The following FBXO15 variants were observed in gnomAD, a reference collection of about 807,000 sequenced individuals.
FBXO15 encodes F-box only protein 15.
A neutral mutation model predicts 49.5 loss-of-function variants in FBXO15; 30 were observed. The ratio of observed to expected loss-of-function variants is 0.61; its 90% CI spans 0.45 to 0.82. The LOEUF (loss-of-function observed/expected upper bound fraction) is 0.82. FBXO15 is among the 40% of genes least tolerant of loss of function. The pLI, the probability that FBXO15 is intolerant of heterozygous loss-of-function variation, is 0.00. For synonymous variants in FBXO15, 250 were observed against 232.7 expected, an observed-to-expected ratio of 1.07 and a Z score of -0.68; for missense variants, 591 against 631.5, an observed-to-expected ratio of 0.94 and a Z score of 0.69.
intron 8 of FBXO15, among the ~76,000 whole-genome samples, chr18:74,111,988 A>C (rs1302274567): frequency 1.3e-5 from 2 of 152,232 alleles, no homozygotes; most frequent in Non-Finnish European, 2.9e-5. Context: ...AATTCACATA[A>C]GAAGAAATAG....
Position 74,123,443 on chromosome 18 carries a change from G to T in FBXO15, c.1063C>A (p.Gln355Lys). ...CCGCTGTGCAGATCAACATGGAGTT[G>T]GTAGCCGTGCAGTCCATACTCGGGG... Reference protein sequence around the residue: ...DSPEYGLHGYQLHVDLHSGGV... With the variant: ...DSPEYGLHGYKLHVDLHSGGV... The change falls in exon 8 of 10, where the codon CAA becomes AAA. Residue 355 changes from glutamine to lysine, a missense_variant. Coordinates refer to ENST00000419743, the MANE Select transcript of FBXO15 (RefSeq NM_001142958.2). 1 of 1,614,054 alleles carries T rather than the reference G, an allele frequency of 6.2e-7. No homozygotes were observed. Among genetic ancestry groups the T allele is most frequent in the South Asian group, 1.1e-5 (1 of 91,070 alleles).
intron 8 of FBXO15, among the ~76,000 whole-genome samples, chr18:74,107,509 A>C (rs554440320): frequency 5.3e-5 from 8 of 152,336 alleles, no homozygotes; most frequent in Non-Finnish European, 8.8e-5. Context: ...AGGGCAAACC[A>C]CTGTCCCAAA....
chr18:74,110,976 CCTCT>C (rs985969437), intron 8 of FBXO15, among the ~76,000 whole-genome samples: 1 of 152,126 alleles, frequency 6.6e-6, no homozygotes, highest in Non-Finnish European at 1.5e-5. Context: ...GACATCAACA[CCTCT>C]CTATCAGAAA....
chr18:74,114,543 C>A (rs1488093239), intron 8 of FBXO15, among the ~76,000 whole-genome samples: 1 of 152,172 alleles, frequency 6.6e-6, no homozygotes, highest in African/African-American at 2.4e-5. Flanking sequence ...TACAGAAAAA[C>A]CCACAGGCAC....
At chr18:74,119,368 G>C (rs1263384508) in intron 8 of FBXO15, among the ~76,000 whole-genome samples, 1 of 152,190 alleles carries the variant, frequency 6.6e-6, no homozygotes, top group Non-Finnish European at 1.5e-5. Flanking sequence ...ATATTTATGT[G>C]CAAGCCTACT....
chr18:74,082,679 T>C (rs1912556031), intron 8 of FBXO15, among the ~76,000 whole-genome samples: 1 of 152,088 alleles, frequency 6.6e-6, no homozygotes, highest in Non-Finnish European at 1.5e-5. Context: ...GCCACAGGCC[T>C]CTTGTGGCAG....
At chr18:74,106,116 T>C (rs1913750388) in intron 8 of FBXO15, among the ~76,000 whole-genome samples, 3 of 152,124 alleles carry the variant, frequency 2.0e-5, no homozygotes, top group South Asian at 4.1e-4. Flanking sequence ...CAGACAAGAA[T>C]AATCCTAAGA....
chr18:74,081,785 A>G (rs1912506099), intron 9 of FBXO15, 142 bp downstream of exon 9: 3 of 622,730 alleles, frequency 4.8e-6, no homozygotes, highest in South Asian at 3.4e-5. Flanking sequence ...ATGTGCACCA[A>G]CCTTCAGAAA....
intron 9 of FBXO15, among the ~76,000 whole-genome samples, chr18:74,076,766 G>A (rs1054276296): frequency 1.3e-5 from 2 of 152,012 alleles, no homozygotes; most frequent in African/African-American, 2.4e-5. Context: ...AATTCCTTCC[G>A]GCTACCATTA....
At chr18:74,142,245 C>T (rs924342854) in intron 1 of FBXO15, among the ~76,000 whole-genome samples, 5 of 152,058 alleles carry the variant, frequency 3.3e-5, no homozygotes, top group African/African-American at 1.2e-4. Flanking sequence ...TTTTGCAATA[C>T]CCTCTCCTCC....
chr18:74,101,369 T>C (rs965091570), intron 8 of FBXO15, among the ~76,000 whole-genome samples: 3 of 151,938 alleles, frequency 2.0e-5, no homozygotes, highest in South Asian at 2.1e-4. Context: ...GCTTTATGAT[T>C]AGAGCTCTCA....
Position 74,073,616 on chromosome 18 carries a change from A to G in FBXO15, c.1378T>C (p.Leu460=). ...PATPSDSSSF[L]GQTYNVDYVD... is the part of the protein sequence containing the mutation. ...TAGTCCACGTTGTATGTCTGTCCCA[A>G]GAAGCTAGAGCTGTCAGAGGGTGTG... The change falls in exon 10 of 10, where the codon TTG becomes CTG. Residue 460 remains leucine (L), a synonymous_variant. Transcript: ENST00000419743. The G allele has an allele frequency of 6.2e-7, 1 of 1,614,206 alleles. No homozygotes were observed. The highest frequency in any genetic ancestry group is 8.5e-7 in the Non-Finnish European group (1 of 1,180,042).
intron 9 of FBXO15, among the ~76,000 whole-genome samples, chr18:74,081,262 G>A (rs7240618): frequency 0.038 from 5,807 of 152,278 alleles, 367 homozygotes; most frequent in African/African-American, 0.13. Context: ...AGTCACAGGA[G>A]ATTGATCCCA....
chr18:74,125,121 G>A (rs1039708409), intron 6 of FBXO15, among the ~76,000 whole-genome samples: 1 of 152,152 alleles, frequency 6.6e-6, no homozygotes, highest in African/African-American at 2.4e-5. Context: ...GATGGGCATA[G>A]GTGACCCCCA....
At position 74,147,665 on chromosome 18, in the gene FBXO15, G is replaced by A. The variant is rs1435232448; in HGVS notation, c.116+5C>T. The stretch of plus-strand genomic sequence containing the variant: ...GGGGACCCCACCCGCAGGCCCTACA[G>A]TCACCTGCACCCAAAGGCCCTGGCG... On this transcript the variant is annotated splice_donor_5th_base_variant and intron_variant, in intron 1 of 9. Coordinates refer to ENST00000419743, the MANE Select transcript of FBXO15 (RefSeq NM_001142958.2). 6 of 1,453,772 alleles carry A rather than the reference G, an allele frequency of 4.1e-6. No homozygotes were observed. Among genetic ancestry groups the A allele is most frequent in the South Asian group, 4.1e-5 (3 of 73,262 alleles). 90.1% of individuals were successfully genotyped at this position (1,453,772 alleles called of 1,614,324 possible).
chr18:74,129,746 A>T (rs1978316151), intron 4 of FBXO15, 132 bp from the exon 5 acceptor site: 1 of 719,994 alleles, frequency 1.4e-6, no homozygotes, highest in Non-Finnish European at 2.2e-6. Flanking sequence ...GAATGTGCCC[A>T]GTATAATTTT....
At chr18:74,126,590 T>C (rs562230510) in intron 5 of FBXO15, among the ~76,000 whole-genome samples, 1 of 152,280 alleles carries the variant, frequency 6.6e-6, no homozygotes, top group African/African-American at 2.4e-5. Context: ...AACTCAGAGA[T>C]AGTGAAAGTT....
At position 74,129,458 on chromosome 18, in the gene FBXO15, T is replaced by C. The variant is rs1432450371; in HGVS notation, c.732A>G (p.Leu244=). The part of the protein sequence containing the change: ...PCLASLSTLD[L]CGMTPVFTDW... ...CGGTAAAAACTGGTGTCATGCCACA[T>C]AAATCTAAGGTTGACAATGATGCTA... The change falls in exon 5 of 10, where the codon TTA becomes TTG. Residue 244 remains leucine, a synonymous_variant. Coordinates refer to ENST00000419743, the MANE Select transcript of FBXO15 (RefSeq NM_001142958.2). 5.6e-6 allele frequency: 9 copies of C among 1,613,890 alleles called. No individual in the cohort carries two copies. The highest frequency in any genetic ancestry group is 7.6e-6 in the Non-Finnish European group (9 of 1,179,958).
chr18:74,108,394 C>A (rs1188491643), intron 8 of FBXO15, among the ~76,000 whole-genome samples: 1 of 151,538 alleles, frequency 6.6e-6, no homozygotes, highest in Non-Finnish European at 1.5e-5. Flanking sequence ...ATTAAAAACC[C>A]GGTAACAGAG....
Sources: allele counts gnomAD v4.1 joint callset (sites outside exome capture counted in the v4.1 genomes callset), GRCh38; gene constraint gnomAD v4.1.1; transcripts MANE v1.5; gene names NCBI Gene and HGNC (gene_info 2026-07-23, HGNC 2026-07-21).